BRAF: variants seen among roughly 807,000 people sequenced by gnomAD.
The protein encoded by BRAF is B-Raf proto-oncogene, serine/threonine kinase, also known as serine/threonine-protein kinase B-raf.
Under a neutral mutation model 104.6 loss-of-function variants are expected in BRAF, and 16 were observed. The ratio of observed to expected loss-of-function variants is 0.15; its 90% CI spans 0.10 to 0.23. The LOEUF (loss-of-function observed/expected upper bound fraction) is 0.23. Ranked by LOEUF, BRAF falls within the 10% of genes least tolerant of loss-of-function variation. The probability of loss-of-function intolerance (pLI) is 1.00; values close to 1 mark genes in which losing one functional copy is unlikely to be tolerated. For missense variants in BRAF, 541 were observed against 937.3 expected (o/e 0.58, Z 5.52); for synonymous variants, 310 against 341.6 (o/e 0.91, Z 1.02).
intron 2 of BRAF, among the ~76,000 whole-genome samples, chr7:140,838,706 A>G (rs1470409185): frequency 6.6e-6 from 1 of 152,208 alleles, no homozygotes; most frequent in East Asian, 1.9e-4. Flanking sequence ...CCTGATTCCA[A>G]AACTTAACTA....
chr7:140,903,098 A>AT (rs1284793559), intron 1 of BRAF, among the ~76,000 whole-genome samples: 4 of 151,092 alleles, frequency 2.6e-5, no homozygotes, highest in East Asian at 2.0e-4. Flanking sequence ...CTAATTTTGT[A>AT]TTTTTTTAGT....
intron 14 of BRAF, chr7:140,773,521 T>G (rs1033527139): frequency 1.3e-5 from 2 of 152,080 alleles, no homozygotes; most frequent in East Asian, 1.9e-4. Context: ...CAAATCCCCA[T>G]GTTTTGGGAA....
chr7:140,727,185 C>CTTTTTTTTT (rs927393889), intron 19 of BRAF, among the ~76,000 whole-genome samples: 1 of 128,652 alleles, frequency 7.8e-6, no homozygotes, highest in African/African-American at 3.1e-5. Context: ...TTATTTTTTT[C>CTTTTTTTTT]TTTTTTTTTT....
chr7:140,764,673 A>T (rs1799128006), intron 14 of BRAF, among the ~76,000 whole-genome samples: 1 of 152,242 alleles, frequency 6.6e-6, no homozygotes, highest in East Asian at 1.9e-4. Flanking sequence ...CAGAGAGCCA[A>T]ATCATGAGTG....
At chr7:140,726,701 C>T (rs1411053876) in intron 19 of BRAF, among the ~76,000 whole-genome samples, 1 of 152,124 alleles carries the variant, frequency 6.6e-6, no homozygotes, top group East Asian at 1.9e-4. Flanking sequence ...ATATAGTATA[C>T]AGAATATGGT....
chr7:140,824,890 TCTTCTCATGCGTTTATTAC>T (rs1805848540), intron 3 of BRAF, among the ~76,000 whole-genome samples: 1 of 152,098 alleles, frequency 6.6e-6, no homozygotes, highest in Non-Finnish European at 1.5e-5. Flanking sequence ...ATGTTGAGCG[TCTTCTCATGCGTTTATTAC>T]CATCCATATA....
At chr7:140,877,917 T>G (rs918396092) in intron 1 of BRAF, among the ~76,000 whole-genome samples, 12 of 152,088 alleles carry the variant, frequency 7.9e-5, no homozygotes, top group African/African-American at 2.9e-4. Context: ...AAAATAAATC[T>G]CTAGTAGCAA....
chr7:140,889,006 T>C (rs552748169), intron 1 of BRAF, among the ~76,000 whole-genome samples: 1 of 152,232 alleles, frequency 6.6e-6, no homozygotes, highest in East Asian at 1.9e-4. Flanking sequence ...CATAGTATTA[T>C]TGCCCCACCC....
intron 1 of BRAF, among the ~76,000 whole-genome samples, chr7:140,916,317 T>C (rs10245178): frequency 0.029 from 4,347 of 152,220 alleles, 212 homozygotes; most frequent in African/African-American, 0.097. Context: ...CTGAAAAAGG[T>C]AGAAATATGA....
At chr7:140,840,312 C>T (rs1807803687) in intron 2 of BRAF, among the ~76,000 whole-genome samples, 1 of 151,264 alleles carries the variant, frequency 6.6e-6, no homozygotes, top group Non-Finnish European at 1.5e-5. Context: ...ACACCAAAAG[C>T]ACAGCAACCA....
At chr7:140,787,327 C>G (rs965236670) in intron 9 of BRAF, among the ~76,000 whole-genome samples, 2 of 136,620 alleles carry the variant, frequency 1.5e-5, no homozygotes, top group African/African-American at 5.5e-5. Context: ...AAAAAAAAGA[C>G]TTCCTTTTAT....
intron 14 of BRAF, among the ~76,000 whole-genome samples, chr7:140,763,284 G>T (rs572598943): frequency 6.0e-5 from 9 of 151,034 alleles, no homozygotes; most frequent in Non-Finnish European, 1.2e-4. Context: ...CCGGGCGGGG[G>T]GCTGACCCCC....
At chr7:140,918,869 GTGGCTCACGCCTGTAA>G (rs79678431) in intron 1 of BRAF, among the ~76,000 whole-genome samples, 8,477 of 152,240 alleles carry the variant, frequency 0.056, 283 homozygotes, top group South Asian at 0.11. Flanking sequence ...GCCAGGTGTG[GTGGCTCACGCCTGTAA>G]TCCCAGCACT....
intron 8 of BRAF, 46 bp from the exon 9 acceptor site, chr7:140,787,630 T>A (rs753340581): frequency 5.9e-6 from 9 of 1,534,260 alleles, no homozygotes; most frequent in Non-Finnish European, 8.1e-6. Flanking sequence ...AAGCATATAA[T>A]CAGAGAGTAG....
intron 14 of BRAF, among the ~76,000 whole-genome samples, chr7:140,754,524 T>C (rs1288349257): frequency 2.0e-5 from 3 of 152,200 alleles, no homozygotes. Context: ...AGCCTATTTA[T>C]CCATGTCCCT....
chr7:140,869,181 A>C (rs1811293585), intron 1 of BRAF, among the ~76,000 whole-genome samples: 1 of 152,190 alleles, frequency 6.6e-6, no homozygotes, highest in African/African-American at 2.4e-5. Context: ...TGGGTATACA[A>C]ATCTGAAATC....
chr7:140,722,039 A>G lies in BRAF; in HGVS notation c.*4455T>C. On this transcript the variant is annotated 3_prime_UTR_variant, in exon 20 of 20. Transcript: ENST00000644969. ...TTAATACATGATTGCTGCCCATCAT[A>G]CAGTACTTCAACCCTAAACTACAGC... is the stretch of plus-strand genomic sequence containing the variant. 1.8e-6 allele frequency: 2 copies of G among 1,120,846 alleles called. No homozygotes were observed. The highest frequency in any genetic ancestry group is 2.2e-6 in the Non-Finnish European group (2 of 917,046). The allele number at this position is 1,120,846 out of a possible 1,614,324, so 69.4% of individuals were successfully genotyped here. A position where few individuals can be genotyped will look rare whatever the true frequency, so the allele number is the denominator to read the frequency against.
chr7:140,835,535 G>A (rs1312691706), intron 2 of BRAF: 1 of 150,966 alleles, frequency 6.6e-6, no homozygotes, highest in African/African-American at 2.4e-5. Flanking sequence ...GCTGCTTAGA[G>A]ATTGGAACTA....
At chr7:140,896,648 C>T (rs1192100094) in intron 1 of BRAF, among the ~76,000 whole-genome samples, 2 of 151,938 alleles carry the variant, frequency 1.3e-5, no homozygotes, top group South Asian at 2.1e-4. Context: ...GGTGGATCAC[C>T]TGAGGTCAGG....
Sources: allele counts gnomAD v4.1 joint callset (sites outside exome capture counted in the v4.1 genomes callset), GRCh38; gene constraint gnomAD v4.1.1; transcripts MANE v1.5; gene names NCBI Gene and HGNC (gene_info 2026-07-23, HGNC 2026-07-21).